KCNH1: variants seen among roughly 807,000 people sequenced by gnomAD.
KCNH1 encodes potassium voltage-gated channel subfamily H member 1.
KCNH1 carries 27 observed loss-of-function variants against 69.2 expected under a neutral mutation model. The observed-to-expected ratio is 0.39, with a 90% CI of 0.29 to 0.54. The LOEUF is 0.54. Ranked by LOEUF, KCNH1 falls within the 20% of genes least tolerant of loss-of-function variation. The pLI is 0.68. For synonymous variants in KCNH1, 456 were observed against 487.7 expected (o/e 0.93, Z 0.86); for missense variants, 798 against 1,261.6 (o/e 0.63, Z 5.57).
At chr1:211,025,694 A>G (rs1689670503) in intron 5 of KCNH1, among the ~76,000 whole-genome samples, 2 of 152,036 alleles carry the variant, frequency 1.3e-5, no homozygotes, top group Admixed American at 6.6e-5. Context: ...ACGCACCATA[A>G]TCTAAGCCCG....
intron 1 of KCNH1, among the ~76,000 whole-genome samples, chr1:211,121,003 C>A (rs1691674028): frequency 1.3e-5 from 2 of 152,070 alleles, no homozygotes; most frequent in Admixed American, 1.3e-4. Context: ...TCAAGGAGAA[C>A]AAACTACTGC....
intron 7 of KCNH1, among the ~76,000 whole-genome samples, chr1:210,895,726 T>C (rs1686851599): frequency 6.6e-6 from 1 of 151,928 alleles, no homozygotes; most frequent in African/African-American, 2.4e-5. Flanking sequence ...AGACAGAATA[T>C]AGTTTCAAGC....
chr1:211,068,853 T>C (rs574281929), intron 5 of KCNH1, among the ~76,000 whole-genome samples: 2 of 152,322 alleles, frequency 1.3e-5, no homozygotes, highest in Admixed American at 1.3e-4. Context: ...TAGGAAAATC[T>C]AAACTGTAAC....
At chr1:211,074,848 A>G (rs1690705557) in intron 5 of KCNH1, among the ~76,000 whole-genome samples, 1 of 152,220 alleles carries the variant, frequency 6.6e-6, no homozygotes, top group Admixed American at 6.5e-5. Context: ...GCTCTTCCCA[A>G]GGGTTTCCAT....
chr1:210,760,535 A>C (rs577580213), intron 10 of KCNH1, among the ~76,000 whole-genome samples: 1 of 152,354 alleles, frequency 6.6e-6, no homozygotes, highest in East Asian at 1.9e-4. Context: ...AAAAATGCTT[A>C]AAGGAGTCCT....
intron 7 of KCNH1, among the ~76,000 whole-genome samples, chr1:210,879,865 A>G (rs571003150): frequency 1.4e-4 from 22 of 152,278 alleles, no homozygotes; most frequent in Admixed American, 2.6e-4. Flanking sequence ...TGACAAAAAA[A>G]TCTTTTGGAA....
chr1:210,761,048 C>T (rs568913357), intron 10 of KCNH1, among the ~76,000 whole-genome samples: 31 of 151,358 alleles, frequency 2.0e-4, no homozygotes, highest in African/African-American at 6.3e-4. Context: ...GTCAGGAGAT[C>T]GAGACCATCC....
At chr1:210,840,887 G>A (rs1368482192) in intron 7 of KCNH1, among the ~76,000 whole-genome samples, 1 of 152,140 alleles carries the variant, frequency 6.6e-6, no homozygotes, top group African/African-American at 2.4e-5. Flanking sequence ...AGTTTACACT[G>A]TTGGTGATCA....
intron 6 of KCNH1, among the ~76,000 whole-genome samples, chr1:210,974,217 A>G (rs1174772000): frequency 6.6e-6 from 1 of 152,118 alleles, no homozygotes. Flanking sequence ...TAGTGAGTTG[A>G]GCATTTTTAT....
intron 7 of KCNH1, among the ~76,000 whole-genome samples, chr1:210,891,340 T>C (rs989717055): frequency 6.6e-6 from 1 of 151,848 alleles, no homozygotes; most frequent in African/African-American, 2.4e-5. Context: ...AACTGAACAA[T>C]GAGAACACTT....
chr1:210,688,018 A>C (rs1681444030), intron 10 of KCNH1, among the ~76,000 whole-genome samples: 1 of 152,182 alleles, frequency 6.6e-6, no homozygotes, highest in South Asian at 2.1e-4. Context: ...AGGTACTATG[A>C]GGGGGAAAAG....
At chr1:211,108,963 T>C (rs1256129208) in intron 1 of KCNH1, among the ~76,000 whole-genome samples, 2 of 152,096 alleles carry the variant, frequency 1.3e-5, no homozygotes, top group African/African-American at 2.4e-5. Context: ...CAAATAGATA[T>C]GTCCACAACT....
chr1:210,960,362 A>G (rs1420048484), intron 6 of KCNH1, among the ~76,000 whole-genome samples: 1 of 152,188 alleles, frequency 6.6e-6, no homozygotes, highest in Non-Finnish European at 1.5e-5. Context: ...CAATCAAGAT[A>G]ATGGCATTTC....
chr1:210,947,102 C>T (rs1322389844), intron 6 of KCNH1, among the ~76,000 whole-genome samples: 1 of 152,166 alleles, frequency 6.6e-6, no homozygotes, highest in Non-Finnish European at 1.5e-5. Flanking sequence ...GTGCCTGGTG[C>T]TAACAGGCAC....
At chr1:210,977,650 T>G (rs1309537055) in intron 6 of KCNH1, among the ~76,000 whole-genome samples, 1 of 152,188 alleles carries the variant, frequency 6.6e-6, no homozygotes, top group Non-Finnish European at 1.5e-5. Flanking sequence ...TTATATAGAT[T>G]GTTGTTTGCT....
chr1:211,064,610 C>CT (rs1041205251), intron 5 of KCNH1, among the ~76,000 whole-genome samples: 10 of 148,382 alleles, frequency 6.7e-5, no homozygotes, highest in African/African-American at 1.2e-4. Context: ...AGTATGACCA[C>CT]TTTTTTTTTT....
intron 9 of KCNH1, among the ~76,000 whole-genome samples, chr1:210,794,676 G>C (rs1684273232): frequency 6.6e-6 from 1 of 152,180 alleles, no homozygotes; most frequent in Non-Finnish European, 1.5e-5. Context: ...TAGTAATGCA[G>C]CTGTGTGTGG....
chr1:211,076,531 G>A (rs1690737675), intron 5 of KCNH1, among the ~76,000 whole-genome samples: 1 of 152,218 alleles, frequency 6.6e-6, no homozygotes, highest in Non-Finnish European at 1.5e-5. Flanking sequence ...CTGTTAGAAG[G>A]AAAACTAACA....
chr1:211,040,178 A>G (rs966114265), intron 5 of KCNH1, among the ~76,000 whole-genome samples: 2 of 148,226 alleles, frequency 1.3e-5, no homozygotes, highest in Non-Finnish European at 3.0e-5. Context: ...GCAACAGAGC[A>G]AGACTCCGTC....
Sources: gnomAD v4.1 joint callset for allele counts (sites outside exome capture counted in the v4.1 genomes callset) on GRCh38, gnomAD v4.1.1 for gene constraint, MANE v1.5 for transcripts, NCBI Gene and HGNC (gene_info 2026-07-23, HGNC 2026-07-21) for gene names.